The following ZNF778 variants were observed in gnomAD, a reference collection of about 807,000 sequenced individuals.
The protein encoded by ZNF778 is zinc finger protein 778.
A neutral mutation model predicts 23.9 loss-of-function variants in ZNF778; 37 were observed. The observed-to-expected ratio is 1.54, with a 90% CI of 1.19 to 2.03. The LOEUF (loss-of-function observed/expected upper bound fraction) is 2.03, where lower values mean the gene tolerates loss of function less well. Ranked by LOEUF, ZNF778 falls within the 30% of genes most tolerant of loss-of-function variation. The pLI is 0.00. For missense variants in ZNF778, 1,297 were observed against 934.4 expected, an observed-to-expected ratio of 1.39 and a Z score of -5.06; for synonymous variants, 483 against 343.9, an observed-to-expected ratio of 1.40 and a Z score of -4.48.
At chr16:89,224,012 A>T (rs2031223767) in intron 4 of ZNF778, among the ~76,000 whole-genome samples, 1 of 151,808 alleles carries the variant, frequency 6.6e-6, no homozygotes, top group African/African-American at 2.4e-5. Context: ...TCAGGGCTGT[A>T]ATCCCAGCAC....
rs2031732656 is a variant in ZNF778, at chr16:89,228,764, A to G, written c.*202A>G. The G allele has an allele frequency of 2.2e-6, 3 of 1,380,044 alleles. No individual in the cohort carries two copies. The highest frequency in any genetic ancestry group is 2.8e-6 in the Non-Finnish European group (3 of 1,071,348). 85.5% of individuals were successfully genotyped at this position (1,380,044 alleles called of 1,614,324 possible). ...TCAGTGTTCTCTAAGGTCTTGCTGA[A>G]TATGGATGGTATCCAGTAGAGAGAA... On this transcript the variant is annotated 3_prime_UTR_variant, in exon 7 of 7. Transcript: ENST00000433976.
intron 1 of ZNF778, among the ~76,000 whole-genome samples, chr16:89,220,366 A>C (rs974737537): frequency 1.3e-5 from 2 of 152,182 alleles, no homozygotes; most frequent in Non-Finnish European, 2.9e-5. Flanking sequence ...GTACAAACTG[A>C]CGAGACCGGG....
chr16:89,221,209 G>A (rs2030905918), intron 2 of ZNF778, 57 bp downstream of exon 2: 2 of 1,527,036 alleles, frequency 1.3e-6, no homozygotes, highest in South Asian at 1.2e-5. Context: ...GATACACAGT[G>A]TGTGTATCAG....
intron 4 of ZNF778, 33 bp from the exon 5 acceptor site, chr16:89,224,686 C>T (rs1395672491): frequency 5.4e-6 from 8 of 1,482,520 alleles, no homozygotes; most frequent in Non-Finnish European, 7.3e-6. Context: ...CTGCCTGAGC[C>T]TCTTCCATCG....
Position 89,233,680 on chromosome 16 carries a change from A to C in ZNF778, c.*5118A>C, listed in dbSNP as rs74035763. On this transcript the variant is annotated 3_prime_UTR_variant, in exon 7 of 7. Coordinates refer to ENST00000433976, the MANE Select transcript of ZNF778 (RefSeq NM_001201407.2). ...GCAATTCAACTCGCACTGCGTATGC[A>C]AATCAACTTACTGCATATGCAACTC... 0.019 allele frequency: 23,855 copies of C among 1,268,464 alleles called. 1,794 individuals are homozygous for C. In the African/African-American group the frequency reaches 0.19, roughly 10 times the overall value. The allele number at this position is 1,268,464 out of a possible 1,614,324, so 78.6% of individuals were successfully genotyped here.
chr16:89,228,025 C>T lies in ZNF778; in HGVS notation c.1737C>T (p.His579=), dbSNP rs1349507465. ...SFRNSSCLNK[H]IQIHTGIKPY... is the part of the protein sequence containing the mutation. ...GAAATTCCTCGTGCCTGAATAAGCACATTCAGATTCACACTGGAATAAAAC... is the reference window on the plus strand; with the variant it reads ...GAAATTCCTCGTGCCTGAATAAGCATATTCAGATTCACACTGGAATAAAAC... The change falls in exon 7 of 7, where the codon CAC becomes CAT. Residue 579 remains histidine, a synonymous_variant. Coordinates refer to ENST00000433976, the MANE Select transcript of ZNF778 (RefSeq NM_001201407.2). The T allele has an allele frequency of 3.1e-6, 5 of 1,588,974 alleles. No individual in the cohort carries two copies. The highest frequency in any genetic ancestry group is 4.3e-6 in the Non-Finnish European group (5 of 1,164,584).
chr16:89,233,508 CTG>C lies in ZNF778; in HGVS notation c.*4950_*4951del, dbSNP rs757525994. ...CACTGCGTATGCAACTCAGCTTGCT[CTG>C]TGTATGCAACTCAACTCGCACTGCG... On this transcript the variant is annotated 3_prime_UTR_variant, in exon 7 of 7. Coordinates refer to ENST00000433976, the MANE Select transcript of ZNF778 (RefSeq NM_001201407.2). 91 of 1,272,222 alleles carry C rather than the reference CTG, an allele frequency of 7.2e-5. No homozygotes were observed. The East Asian group carries it at 1.0e-3, about 14-fold the overall frequency. The allele number at this position is 1,272,222 out of a possible 1,614,324, so 78.8% of individuals were successfully genotyped here.
rs1280249775 is a variant in ZNF778 at position 89,236,388 on chromosome 16, A to G, written c.*7826A>G. 6.6e-6 allele frequency: 1 copy of G among 152,218 alleles called. No homozygotes were observed. Among genetic ancestry groups the G allele is most frequent in the Non-Finnish European group, 1.5e-5 (1 of 68,050 alleles). 9.4% of individuals were successfully genotyped at this position (152,218 alleles called of 1,614,324 possible). A position where few individuals can be genotyped will look rare whatever the true frequency, so the allele number is the denominator to read the frequency against. On this transcript the variant is annotated 3_prime_UTR_variant, in exon 7 of 7. Coordinates refer to ENST00000433976, the MANE Select transcript of ZNF778 (RefSeq NM_001201407.2). Reference sequence around the variant, plus strand: ...CTGAAATAAAAAGAAATGCCAACCCAGATTGCTATATCCAACAAAATATCC... The same window carrying G: ...CTGAAATAAAAAGAAATGCCAACCCGGATTGCTATATCCAACAAAATATCC...
rs377147704 is a variant in ZNF778, at chr16:89,230,940, C to A, written c.*2378C>A. On this transcript the variant is annotated 3_prime_UTR_variant, in exon 7 of 7. Coordinates refer to ENST00000433976, the MANE Select transcript of ZNF778 (RefSeq NM_001201407.2). ...GACAGACCCATGCACCTTCATGTTA[C>A]GTGTTTAAAATTCTGGATGGACAGA... 1 of 151,836 alleles carries A rather than the reference C, an allele frequency of 6.6e-6. No individual in the cohort carries two copies. Among genetic ancestry groups the A allele is most frequent in the Non-Finnish European group, 1.5e-5 (1 of 68,020 alleles). The allele number at this position is 151,836 out of a possible 1,614,324, so 9.4% of individuals were successfully genotyped here.
In ZNF778 at chr16:89,225,540, C is replaced by T. The variant is rs12926996; in HGVS notation, c.329-15C>T. The T allele has an allele frequency of 0.9, 1,440,379 of 1,598,338 alleles. 655,625 individuals are homozygous for T. The highest frequency in any genetic ancestry group is 0.93 in the Non-Finnish European group (1,090,890 of 1,170,502). Reference sequence around the variant, plus strand: ...TGAGTTTGATCGTTTTTAGGTCATTCTTCTTTCTTTTCAGAATGGCGACTT... The same window carrying T: ...TGAGTTTGATCGTTTTTAGGTCATTTTTCTTTCTTTTCAGAATGGCGACTT... On this transcript the variant is annotated splice_polypyrimidine_tract_variant and intron_variant, in intron 5 of 6. Coordinates refer to ENST00000433976, the MANE Select transcript of ZNF778 (RefSeq NM_001201407.2).
chr16:89,222,235 T>A, intron 3 of ZNF778, 52 bp downstream of exon 3: 2 of 1,422,888 alleles, frequency 1.4e-6, no homozygotes. Context: ...ATTCAGCAGA[T>A]AGACAAGTTT....
Position 89,229,116 on chromosome 16 carries a change from G to T in ZNF778, c.*554G>T. ...TCTTGGAGTGAGGACTCTGTTCCCT[G>T]TAGAAATCCTCCAGTCTGGTTGCTA... is the stretch of plus-strand genomic sequence containing the variant. On this transcript the variant is annotated 3_prime_UTR_variant, in exon 7 of 7. Transcript: ENST00000433976. The T allele has an allele frequency of 1.0e-6, 1 of 986,070 alleles. No individual in the cohort carries two copies. The highest frequency in any genetic ancestry group is 1.2e-6 in the Non-Finnish European group (1 of 830,426). The allele number at this position is 986,070 out of a possible 1,614,324, so 61.1% of individuals were successfully genotyped here. A position where few individuals can be genotyped will look rare whatever the true frequency, so the allele number is the denominator to read the frequency against.
chr16:89,229,321 CTGGT>C lies in ZNF778; in HGVS notation c.*765_*768del, dbSNP rs1343846027. ...TGTGATTCTGTGAGCAGTGTAAGCT[CTGGT>C]TGGTTAGTCTTCAGGATCCAGATGT... On this transcript the variant is annotated 3_prime_UTR_variant, in exon 7 of 7. Transcript: ENST00000433976. 5 of 984,130 alleles carry C rather than the reference CTGGT, an allele frequency of 5.1e-6. No homozygotes were observed. Among genetic ancestry groups the C allele is most frequent in the Admixed American group, 6.2e-5 (1 of 16,156 alleles). 61.0% of individuals were successfully genotyped at this position (984,130 alleles called of 1,614,324 possible).
At position 89,233,575 on chromosome 16, in the gene ZNF778, C is replaced by G. The variant is rs1443507742; in HGVS notation, c.*5013C>G. ...CACTGCATATGCAACTCAGCTCGCA[C>G]TGCATATGCAACGCAACTCAACTCA... On this transcript the variant is annotated 3_prime_UTR_variant, in exon 7 of 7. Transcript: ENST00000433976. 8.8e-7 allele frequency: 1 copy of G among 1,134,252 alleles called. No individual in the cohort carries two copies. Among genetic ancestry groups the G allele is most frequent in the Middle Eastern group, 2.3e-4 (1 of 4,286 alleles). The allele number at this position is 1,134,252 out of a possible 1,614,324, so 70.3% of individuals were successfully genotyped here. A position where few individuals can be genotyped will look rare whatever the true frequency, so the allele number is the denominator to read the frequency against.
chr16:89,226,607 A>G (rs764580824), intron 6 of ZNF778, 87 bp from the exon 7 acceptor site: 222 of 1,239,180 alleles, frequency 1.8e-4, no homozygotes, highest in Non-Finnish European at 2.4e-4. Context: ...AATCGTAATC[A>G]TCATCGTCAT....
chr16:89,219,204 G>T (rs1344260447), intron 1 of ZNF778, among the ~76,000 whole-genome samples: 1 of 152,178 alleles, frequency 6.6e-6, no homozygotes, highest in Non-Finnish European at 1.5e-5. Context: ...TTGCGCTGTT[G>T]GGTATTTTGG....
In ZNF778 at chr16:89,227,012, G is replaced by T. The variant is rs2031532832; in HGVS notation, c.724G>T (p.Ala242Ser). The change falls in exon 7 of 7, where the codon GCA becomes TCA. Residue 242 changes from alanine to serine, a missense_variant. Transcript: ENST00000433976. ...EVFLNQSYLQ[A>S]RAGSHNGEET... is the part of the protein sequence containing the mutation. ...GTTCCTTAATCAGTCATACCTTCAG[G>T]CACGTGCGGGAAGTCACAACGGAGA... The T allele has an allele frequency of 3.1e-6, 5 of 1,613,814 alleles. No homozygotes were observed. Among genetic ancestry groups the T allele is most frequent in the Admixed American group, 3.3e-5 (2 of 59,992 alleles).
Position 89,231,752 on chromosome 16 carries a change from G to C in ZNF778, c.*3190G>C, listed in dbSNP as rs766910793. ...ATACCAAAATGTTTTGTTTCACCAG[G>C]AGGTGCCCGCCTCCTATCAGCCTCT... On this transcript the variant is annotated 3_prime_UTR_variant, in exon 7 of 7. Coordinates refer to ENST00000433976, the MANE Select transcript of ZNF778 (RefSeq NM_001201407.2). 2 of 152,112 alleles carry C rather than the reference G, an allele frequency of 1.3e-5. No individual in the cohort carries two copies. The highest frequency in any genetic ancestry group is 2.4e-5 in the African/African-American group (1 of 41,394). The allele number at this position is 152,112 out of a possible 1,614,324, so 9.4% of individuals were successfully genotyped here.
rs953848436 is a variant in ZNF778, at chr16:89,233,933, G to T, written c.*5371G>T. 12 of 1,287,806 alleles carry T rather than the reference G, an allele frequency of 9.3e-6. No homozygotes were observed. Among genetic ancestry groups the T allele is most frequent in the Non-Finnish European group, 1.2e-5 (12 of 987,358 alleles). The allele number at this position is 1,287,806 out of a possible 1,614,324, so 79.8% of individuals were successfully genotyped here. A position where few individuals can be genotyped will look rare whatever the true frequency, so the allele number is the denominator to read the frequency against. ...GAGGCACTAGACAGCAGGACATGCT[G>T]TATGCCCTTGGGCCTGCTGGAAGTA... is the stretch of plus-strand genomic sequence containing the variant. On this transcript the variant is annotated 3_prime_UTR_variant, in exon 7 of 7. Transcript: ENST00000433976.
Sources: gnomAD v4.1 joint callset for allele counts (sites outside exome capture counted in the v4.1 genomes callset) on GRCh38, gnomAD v4.1.1 for gene constraint, MANE v1.5 for transcripts, NCBI Gene and HGNC (gene_info 2026-07-23, HGNC 2026-07-21) for gene names.